OR2M4: variants seen among roughly 807,000 people sequenced by gnomAD.
OR2M4 encodes olfactory receptor 2M4.
Under a neutral mutation model 13.7 loss-of-function variants are expected in OR2M4, and 8 were observed. The observed-to-expected ratio is 0.58, with a 90% confidence interval of 0.34 to 1.05. The LOEUF (loss-of-function observed/expected upper bound fraction) is 1.05. Ranked by LOEUF, OR2M4 falls within the 50% of genes least tolerant of loss-of-function variation. The probability of loss-of-function intolerance (pLI) is 0.02; values close to 1 mark genes in which losing one functional copy is unlikely to be tolerated. For synonymous variants in OR2M4, 152 were observed against 141.3 expected (o/e 1.08, Z -0.53); for missense variants, 374 against 381.6 (o/e 0.98, Z 0.17).
chr1:248,238,900 G>A lies in OR2M4; in HGVS notation c.-19-10G>A, dbSNP rs768030140. The A allele has an allele frequency of 6.8e-7, 1 of 1,480,086 alleles. No homozygotes were observed. The highest frequency in any genetic ancestry group is 9.2e-7 in the Non-Finnish European group (1 of 1,088,636). 91.7% of individuals were successfully genotyped at this position (1,480,086 alleles called of 1,614,324 possible). On this transcript the variant is annotated splice_polypyrimidine_tract_variant and intron_variant, in intron 1 of 1. Coordinates refer to ENST00000641868, the MANE Select transcript of OR2M4 (RefSeq NM_017504.2). Reference sequence around the variant, plus strand: ...GATAAATAAGCTTGTACCTTCTTTGGAATTCTCAGATAAGGCAAATTATCC... The same window carrying A: ...GATAAATAAGCTTGTACCTTCTTTGAAATTCTCAGATAAGGCAAATTATCC...
Position 248,239,110 on chromosome 1 carries a change from T to C in OR2M4, c.182T>C (p.Phe61Ser). The change falls in exon 2 of 2, where the codon TTC becomes TCC. Residue 61 changes from phenylalanine (F) to serine (S), a missense_variant. Physicochemically the swap from Phe to Ser is radical, Grantham distance 155. Coordinates refer to ENST00000641868, the MANE Select transcript of OR2M4 (RefSeq NM_017504.2). ...AAACAGCTCCACACCCCCATGTACT[T>C]CCTCCTCAGTCAACTGTCCCTTATG... The part of the protein sequence containing the change: ...IEKQLHTPMY[F>S]LLSQLSLMDL... 2 of 1,613,984 alleles carry C rather than the reference T, an allele frequency of 1.2e-6. No homozygotes were observed. Among genetic ancestry groups the C allele is most frequent in the Non-Finnish European group, 1.7e-6 (2 of 1,179,932 alleles).
Position 248,240,224 on chromosome 1 carries a change from G to A in OR2M4, c.*360G>A, listed in dbSNP as rs1240288717. On this transcript the variant is annotated 3_prime_UTR_variant, in exon 2 of 2. Transcript: ENST00000641868. ...TCTGTTTTTGGAGAGATGCTTCTTT[G>A]TTCACAAATTACTTACCTATTAGTA... 1 of 160,744 alleles carries A rather than the reference G, an allele frequency of 6.2e-6. No individual in the cohort carries two copies. The highest frequency in any genetic ancestry group is 2.4e-5 in the African/African-American group (1 of 41,758). The allele number at this position is 160,744 out of a possible 1,614,324, so 10.0% of individuals were successfully genotyped here.
At chr1:248,235,585 T>C (rs555333874) in intron 1 of OR2M4, among the ~76,000 whole-genome samples, 5 of 152,148 alleles carry the variant, frequency 3.3e-5, no homozygotes, top group Admixed American at 6.5e-5. Context: ...AGGGCATACA[T>C]TGAGCAGTAT....
At chr1:248,237,655 C>T (rs977757499) in intron 1 of OR2M4, among the ~76,000 whole-genome samples, 1 of 151,932 alleles carries the variant, frequency 6.6e-6, no homozygotes, top group Non-Finnish European at 1.5e-5. Flanking sequence ...CTGTCCCCCC[C>T]AAAAACAAAA....
chr1:248,236,678 TAAA>T (rs915851144), intron 1 of OR2M4, among the ~76,000 whole-genome samples: 1 of 151,830 alleles, frequency 6.6e-6, no homozygotes, highest in African/African-American at 2.4e-5. Context: ...GCTAGGCTAA[TAAA>T]GAAGAAAGAG....
chr1:248,239,799 AGCCTCC>A lies in OR2M4; in HGVS notation c.874_879del (p.Leu292_Arg293del). 1 of 1,614,090 alleles carries A rather than the reference AGCCTCC, an allele frequency of 6.2e-7. No homozygotes were observed. Among genetic ancestry groups the A allele is most frequent in the East Asian group, 2.2e-5 (1 of 44,870 alleles). On this transcript the variant is annotated inframe_deletion, in exon 2 of 2. Coordinates refer to ENST00000641868, the MANE Select transcript of OR2M4 (RefSeq NM_017504.2). ...CCCTATGCTGAACCCTCTCATTTAT[AGCCTCC>A]GCAACAAAGAAGTGTTCAGGGCACT...
chr1:248,235,786 AG>A lies in OR2M4; in HGVS notation c.-19-3123del, dbSNP rs1178498640. Reference sequence around the variant, plus strand: ...AATTGTAAATGGAAGTTCATTCATGAGTTGGCTCTCTGCTTGTCTATTGTTG... The same window carrying A: ...AATTGTAAATGGAAGTTCATTCATGATTGGCTCTCTGCTTGTCTATTGTTG... On this transcript the variant is annotated intron_variant, in intron 1 of 1. Transcript: ENST00000641868. Among the ~76,000 whole-genome samples, 2 of 152,026 alleles carry A rather than the reference AG, an allele frequency of 1.3e-5. 1 individual carries two copies. The highest frequency in any genetic ancestry group is 2.9e-5 in the Non-Finnish European group (2 of 68,012).
Position 248,239,455 on chromosome 1 carries a change from A to AT in OR2M4, c.527_528insT (p.Phe177LeufsTer4), listed in dbSNP as rs774466619. ...TACTGCAGCTCTCTGGAAATTCATC[A>AT]CTTTTTCTGTGATGTTGCTGCCCTT... On this transcript the variant is annotated frameshift_variant, in exon 2 of 2. Transcript: ENST00000641868. LOFTEE classifies it high-confidence loss of function. The AT allele has an allele frequency of 6.2e-6, 10 of 1,613,880 alleles. No individual in the cohort carries two copies. The highest frequency in any genetic ancestry group is 5.5e-5 in the South Asian group (5 of 91,066).
rs188224345 is a variant in OR2M4 at position 248,241,413 on chromosome 1, C to T, written c.*1549C>T. 2.6e-4 allele frequency: 40 copies of T among 152,080 alleles called. No homozygotes were observed. Among genetic ancestry groups the T allele is most frequent in the Non-Finnish European group, 5.0e-4 (34 of 68,030 alleles). The allele number at this position is 152,080 out of a possible 1,614,324, so 9.4% of individuals were successfully genotyped here. A position where few individuals can be genotyped will look rare whatever the true frequency, so the allele number is the denominator to read the frequency against. On this transcript the variant is annotated 3_prime_UTR_variant, in exon 2 of 2. Transcript: ENST00000641868. ...AACACTGTTGCTTAATATTTTGCTT[C>T]GTAAGCACCAATGGATTGATTCAAC... is the stretch of plus-strand genomic sequence containing the variant.
chr1:248,239,559 GTTTCAGTTATCATAC>G lies in OR2M4; in HGVS notation c.636_650del (p.Val213_Ser217del). The G allele has an allele frequency of 3.1e-6, 5 of 1,614,122 alleles. No individual in the cohort carries two copies. The highest frequency in any genetic ancestry group is 4.2e-6 in the Non-Finnish European group (5 of 1,180,024). On this transcript the variant is annotated inframe_deletion, in exon 2 of 2. Transcript: ENST00000641868. ...TTGTGTGGTAATGCTAATCTTTCCA[GTTTCAGTTATCATAC>G]TTTCCTATTCCCATGTCCTTCGAGC...
At chr1:248,236,494 T>A (rs1450657824) in intron 1 of OR2M4, among the ~76,000 whole-genome samples, 1 of 150,750 alleles carries the variant, frequency 6.6e-6, no homozygotes, top group Non-Finnish European at 1.5e-5. Context: ...ACATCACAAC[T>A]AAAAGAACTA....
chr1:248,234,712 G>C (rs1162406655), intron 1 of OR2M4, among the ~76,000 whole-genome samples: 2 of 151,340 alleles, frequency 1.3e-5, no homozygotes, highest in African/African-American at 4.9e-5. Flanking sequence ...TTTTCTTTAT[G>C]AGATGGTATC....
At position 248,239,464 on chromosome 1, in the gene OR2M4, G is replaced by C; in HGVS notation, c.536G>C (p.Cys179Ser). The change falls in exon 2 of 2, where the codon TGT becomes TCT. Residue 179 changes from cysteine (C) to serine (S), a missense_variant. Coordinates refer to ENST00000641868, the MANE Select transcript of OR2M4 (RefSeq NM_017504.2). ...CSSLEIHHFF[C>S]DVAALLPLSC... ...TCTCTGGAAATTCATCACTTTTTCT[G>C]TGATGTTGCTGCCCTTTTACCTCTA... The C allele has an allele frequency of 6.2e-7, 1 of 1,614,042 alleles. No homozygotes were observed. The highest frequency in any genetic ancestry group is 8.5e-7 in the Non-Finnish European group (1 of 1,179,976).
intron 1 of OR2M4, among the ~76,000 whole-genome samples, chr1:248,237,648 TC>T (rs1558261408): frequency 6.6e-6 from 1 of 150,654 alleles, no homozygotes; most frequent in African/African-American, 2.4e-5. Context: ...CAAGACTCTG[TC>T]CCCCCCAAAA....
rs756796286 is a variant in OR2M4 at position 248,239,404 on chromosome 1, T to G, written c.476T>G (p.Val159Gly). Residue 159 changes from valine (V) to glycine (G), a missense_variant, in exon 2 of 2, where the codon GTG (valine) becomes GGG (glycine). By Grantham distance (109) the Val-to-Gly change is moderately radical. Transcript: ENST00000641868. ...WTLGSLDGII[V>G]LAAVLSFSYC... The stretch of plus-strand genomic sequence containing the variant: ...TTGGGGTCTCTTGATGGGATCATAG[T>G]GCTTGCAGCTGTCCTGTCATTTTCT... The G allele has an allele frequency of 3.1e-6, 5 of 1,614,032 alleles. No homozygotes were observed. Among genetic ancestry groups the G allele is most frequent in the East Asian group, 4.5e-5 (2 of 44,896 alleles).
chr1:248,236,219 C>A (rs771606023), intron 1 of OR2M4, among the ~76,000 whole-genome samples: 16 of 152,070 alleles, frequency 1.1e-4, no homozygotes, highest in Non-Finnish European at 2.1e-4. Context: ...GTCTCTCAGA[C>A]CAAAGCATAA....
At chr1:248,232,212 T>G (rs1666512400) in intron 1 of OR2M4, among the ~76,000 whole-genome samples, 1 of 152,158 alleles carries the variant, frequency 6.6e-6, no homozygotes, top group South Asian at 2.1e-4. Context: ...AAAGAAAAAT[T>G]TAATAAAATC....
chr1:248,243,671 CA>C lies in OR2M4; in HGVS notation c.*3812del, dbSNP rs1327377793. ...GGCAAATAATTTTTGGCTAATTTCC[CA>C]AAAACATTTGCAACAAAAATTGACA... On this transcript the variant is annotated 3_prime_UTR_variant, in exon 2 of 2. Coordinates refer to ENST00000641868, the MANE Select transcript of OR2M4 (RefSeq NM_017504.2). The C allele has an allele frequency of 6.6e-6, 1 of 152,072 alleles. No homozygotes were observed. Among genetic ancestry groups the C allele is most frequent in the African/African-American group, 2.4e-5 (1 of 41,412 alleles). The allele number at this position is 152,072 out of a possible 1,614,324, so 9.4% of individuals were successfully genotyped here.
Position 248,244,630 on chromosome 1 carries a change from T to A in OR2M4, c.*4766T>A, listed in dbSNP as rs917397525. Reference sequence around the variant, plus strand: ...GGTGATGGGATCTATACCCTAAACCTCAGCGTGATGAAATATACACATGTA... The same window carrying A: ...GGTGATGGGATCTATACCCTAAACCACAGCGTGATGAAATATACACATGTA... On this transcript the variant is annotated 3_prime_UTR_variant, in exon 2 of 2. Transcript: ENST00000641868. 2.0e-5 allele frequency: 3 copies of A among 152,144 alleles called. No homozygotes were observed. The highest frequency in any genetic ancestry group is 2.9e-5 in the Non-Finnish European group (2 of 68,024). 9.4% of individuals were successfully genotyped at this position (152,144 alleles called of 1,614,324 possible).
Sources: gnomAD v4.1 joint callset for allele counts (sites outside exome capture counted in the v4.1 genomes callset) on GRCh38, gnomAD v4.1.1 for gene constraint, MANE v1.5 for transcripts, NCBI Gene and HGNC (gene_info 2026-07-23, HGNC 2026-07-21) for gene names.